Variants in RELB observed in about 807,000 individuals in gnomAD.
RELB encodes RELB proto-oncogene, NF-kB subunit.
A neutral mutation model predicts 55.4 loss-of-function variants in RELB; 14 were observed. The observed-to-expected ratio is 0.25, with a 90% CI of 0.17 to 0.40. The LOEUF is 0.40. Ranked by LOEUF, RELB falls within the 10% of genes least tolerant of loss-of-function variation. The pLI, the probability that RELB is intolerant of heterozygous loss-of-function variation, is 1.00. For synonymous variants in RELB, 409 were observed against 371.3 expected (o/e 1.10, Z -1.17); for missense variants, 669 against 830.7 (o/e 0.81, Z 2.39).
intron 8 of RELB, 160 bp from the exon 9 acceptor site, chr19:45,032,374 G>A (rs1470703766): frequency 2.0e-5 from 12 of 594,492 alleles, no homozygotes; most frequent in South Asian, 1.4e-4. Flanking sequence ...AGCTGAGATC[G>A]CGCCATTGCA....
chr19:45,002,970 T>C lies in RELB; in HGVS notation c.128T>C (p.Leu43Pro). ...GCAGGGTCCCCCGACCTCTCCTCAC[T>C]CTCGCTCGCCGTTTCCAGGAGCACA... ...GALGSPDLSS[L>P]SLAVSRSTDE... Residue 43 changes from leucine (L) to proline (P), a missense_variant, in exon 2 of 12, where the codon CTC (leucine) becomes CCC (proline). Transcript: ENST00000221452. The C allele has an allele frequency of 1.2e-6, 2 of 1,613,466 alleles. No individual in the cohort carries two copies. The highest frequency in any genetic ancestry group is 1.7e-6 in the Non-Finnish European group (2 of 1,179,728).
At chr19:45,028,485 G>T (rs1158205254) in intron 7 of RELB, among the ~76,000 whole-genome samples, 2 of 151,654 alleles carry the variant, frequency 1.3e-5, no homozygotes. Context: ...GAGTAACTGG[G>T]ACCACACCCA....
At chr19:45,015,129 C>T (rs562693065) in intron 4 of RELB, among the ~76,000 whole-genome samples, 1 of 152,108 alleles carries the variant, frequency 6.6e-6, no homozygotes, top group African/African-American at 2.4e-5. Flanking sequence ...TGTCAAACTC[C>T]TGCCCTCAGG....
At chr19:45,005,916 T>A (rs1971276628) in intron 2 of RELB, among the ~76,000 whole-genome samples, 1 of 152,202 alleles carries the variant, frequency 6.6e-6, no homozygotes, top group African/African-American at 2.4e-5. Context: ...GGCTGAGACT[T>A]TTCTGGTCCA....
At chr19:45,013,162 G>T (rs867901757) in intron 4 of RELB, among the ~76,000 whole-genome samples, 12 of 152,062 alleles carry the variant, frequency 7.9e-5, no homozygotes, top group African/African-American at 2.6e-4. Context: ...ATTTTTTTGA[G>T]ACGGAGTCTT....
At position 45,004,292 on chromosome 19, in the gene RELB, G is replaced by A. The variant is rs551064319; in HGVS notation, c.154+1296G>A. On this transcript the variant is annotated intron_variant, in intron 2 of 11. Coordinates refer to ENST00000221452, the MANE Select transcript of RELB (RefSeq NM_006509.4). ...GGCTGGAGTACAATGGCGCGATCTC[G>A]GCTCACTGCAACCTCCACCTCTCAG... 6.9e-5 allele frequency among the ~76,000 whole-genome samples: 10 copies of A among 144,230 alleles called. No homozygotes were observed. The South Asian group carries it at 1.1e-3, about 16-fold the overall frequency. 94.6% of individuals were successfully genotyped at this position (144,230 alleles called of 152,430 possible).
intron 2 of RELB, among the ~76,000 whole-genome samples, chr19:45,005,529 A>T (rs1293195188): frequency 1.3e-5 from 2 of 152,136 alleles, no homozygotes; most frequent in Non-Finnish European, 2.9e-5. Context: ...GTTCCCCAAC[A>T]GGTCTGTGAG....
chr19:45,022,706 C>G (rs994845858), intron 5 of RELB, among the ~76,000 whole-genome samples: 1 of 151,974 alleles, frequency 6.6e-6, no homozygotes, highest in African/African-American at 2.4e-5. Context: ...CGACACTACA[C>G]CCAGCGAATT....
intron 4 of RELB, among the ~76,000 whole-genome samples, chr19:45,015,746 AG>A (rs55673169): frequency 0.53 from 64,254 of 121,226 alleles, 15,047 homozygotes; most frequent in East Asian, 0.62. Flanking sequence ...AAAAAAAAAA[AG>A]AAAAAAGAAA....
chr19:45,002,945 G>A lies in RELB; in HGVS notation c.107-4G>A. On this transcript the variant is annotated splice_polypyrimidine_tract_variant and splice_region_variant and intron_variant, in intron 1 of 11. Coordinates refer to ENST00000221452, the MANE Select transcript of RELB (RefSeq NM_006509.4). ...CCTCCTGAGACGTTTCTCCTTCTCT[G>A]CAGGGTCCCCCGACCTCTCCTCACT... 2 of 1,613,172 alleles carry A rather than the reference G, an allele frequency of 1.2e-6. No homozygotes were observed. Among genetic ancestry groups the A allele is most frequent in the South Asian group, 1.1e-5 (1 of 90,982 alleles).
At chr19:45,008,511 G>A in intron 2 of RELB, 1 of 456,268 alleles carries the variant, frequency 2.2e-6, no homozygotes, top group Non-Finnish European at 4.4e-6. Flanking sequence ...GTGACTTGAG[G>A]TTGGCCCTGC....
At chr19:45,006,474 G>A (rs943992631) in intron 2 of RELB, among the ~76,000 whole-genome samples, 4 of 151,984 alleles carry the variant, frequency 2.6e-5, no homozygotes, top group Admixed American at 2.6e-4. Flanking sequence ...AAAGTGCTGG[G>A]ATTACAGGCA....
chr19:45,033,621 G>A (rs1419269996), intron 9 of RELB, among the ~76,000 whole-genome samples: 1 of 151,830 alleles, frequency 6.6e-6, no homozygotes, highest in Non-Finnish European at 1.5e-5. Flanking sequence ...GGAGGCAGAG[G>A]TTGCAGTGAG....
At chr19:45,033,681 T>C (rs1971652192) in intron 9 of RELB, among the ~76,000 whole-genome samples, 1 of 151,044 alleles carries the variant, frequency 6.6e-6, no homozygotes, top group Non-Finnish European at 1.5e-5. Flanking sequence ...CAAGACTCAC[T>C]ACAGGCACCC....
intron 7 of RELB, 28 bp from the exon 8 acceptor site, chr19:45,028,860 T>C (rs985919981): frequency 1.5e-5 from 23 of 1,543,900 alleles, no homozygotes; most frequent in Non-Finnish European, 2.0e-5. Context: ...TTTTTTTTAA[T>C]ACACTTCTTC....
rs537915381 is a variant in RELB at position 45,014,527 on chromosome 19, GT to G, written c.504+2261del. Among the ~76,000 whole-genome samples the G allele has an allele frequency of 1.4e-3, 205 of 147,618 alleles. 6 individuals carry two copies. In the East Asian group the frequency reaches 0.031, roughly 23 times the overall value. The stretch of plus-strand genomic sequence containing the variant: ...GCTCAGAGTTTTTTTTTGTTTTTTG[GT>G]TTTTTTTTTGATGGAATCTTGCTCT... On this transcript the variant is annotated intron_variant, in intron 4 of 11. Coordinates refer to ENST00000221452, the MANE Select transcript of RELB (RefSeq NM_006509.4).
At chr19:45,036,285 C>T (rs1302113763) in intron 11 of RELB, among the ~76,000 whole-genome samples, 1 of 152,146 alleles carries the variant, frequency 6.6e-6, no homozygotes, top group Non-Finnish European at 1.5e-5. Flanking sequence ...GTTGGCCGGG[C>T]TGGTCTTGAA....
intron 2 of RELB, among the ~76,000 whole-genome samples, chr19:45,006,700 C>T (rs1050454374): frequency 6.6e-6 from 1 of 151,634 alleles, no homozygotes; most frequent in African/African-American, 2.4e-5. Flanking sequence ...GTGGCTCATG[C>T]CTGTAATCCC....
chr19:45,037,334 C>T, intron 11 of RELB, 71 bp from the exon 12 acceptor site: 2 of 1,419,372 alleles, frequency 1.4e-6, no homozygotes, highest in Non-Finnish European at 1.9e-6. Context: ...GGGAGTAGGG[C>T]ATTTGATTTA....
Sources: allele counts gnomAD v4.1 joint callset (sites outside exome capture counted in the v4.1 genomes callset), GRCh38; gene constraint gnomAD v4.1.1; transcripts MANE v1.5; gene names NCBI Gene and HGNC (gene_info 2026-07-23, HGNC 2026-07-21).